The following RC3H2 variants were observed in gnomAD, a reference collection of about 807,000 sequenced individuals.
RC3H2 encodes the protein roquin-2.
Under a neutral mutation model 133.3 loss-of-function variants are expected in RC3H2, and 31 were observed. That is an observed-to-expected ratio of 0.23 (90% confidence interval 0.17 to 0.31). The LOEUF is 0.31. Ranked by LOEUF, RC3H2 falls within the 10% of genes least tolerant of loss-of-function variation. The pLI, the probability that RC3H2 is intolerant of heterozygous loss-of-function variation, is 1.00. For synonymous variants in RC3H2, 517 were observed against 502.2 expected, an observed-to-expected ratio of 1.03 and a Z score of -0.40; for missense variants, 1,175 against 1,437.2, an observed-to-expected ratio of 0.82 and a Z score of 2.95.
At chr9:122,890,275 T>A in intron 4 of RC3H2, 37 bp downstream of exon 4, 1 of 1,553,128 alleles carries the variant, frequency 6.4e-7, no homozygotes. Flanking sequence ...CAAGCCCCAA[T>A]AGCTAATAAA....
At chr9:122,877,856 AAAAG>A (rs1831408072) in intron 8 of RC3H2, among the ~76,000 whole-genome samples, 1 of 152,234 alleles carries the variant, frequency 6.6e-6, no homozygotes, top group African/African-American at 2.4e-5. Flanking sequence ...AATGCCCAGA[AAAAG>A]AAAATATTTT....
intron 3 of RC3H2, among the ~76,000 whole-genome samples, chr9:122,892,647 G>A (rs1016644256): frequency 3.3e-5 from 5 of 152,178 alleles, no homozygotes; most frequent in Non-Finnish European, 5.9e-5. Context: ...TTCTGATCTT[G>A]TGATCCGCCC....
chr9:122,858,662 C>A lies in RC3H2; in HGVS notation c.2283+7G>T. On this transcript the variant is annotated splice_region_variant and intron_variant, in intron 12 of 20. Transcript: ENST00000357244. ...AATGACTACATTATAGTAGCATCTT[C>A]ACTTACCCTTGGTAAAGGCACAGTT... 1 of 1,602,448 alleles carries A rather than the reference C, an allele frequency of 6.2e-7. No homozygotes were observed. The highest frequency in any genetic ancestry group is 1.1e-5 in the South Asian group (1 of 90,782).
At position 122,848,315 on chromosome 9, in the gene RC3H2, T is replaced by C. The variant is rs1829910614; in HGVS notation, c.*1312A>G. 6.6e-6 allele frequency: 1 copy of C among 152,126 alleles called. No homozygotes were observed. Among genetic ancestry groups the C allele is most frequent in the African/African-American group, 2.4e-5 (1 of 41,442 alleles). 9.4% of individuals were successfully genotyped at this position (152,126 alleles called of 1,614,324 possible). A position where few individuals can be genotyped will look rare whatever the true frequency, so the allele number is the denominator to read the frequency against. On this transcript the variant is annotated 3_prime_UTR_variant, in exon 21 of 21. Coordinates refer to ENST00000357244, the MANE Select transcript of RC3H2 (RefSeq NM_001100588.3). ...GAAAAACAGATAGATAAACTATAGG[T>C]AAAGATCACCAGGAAGGAATGCCCA...
At chr9:122,855,090 GC>G in intron 15 of RC3H2, 93 bp downstream of exon 15, 1 of 993,216 alleles carries the variant, frequency 1.0e-6, no homozygotes, top group Non-Finnish European at 1.5e-6. Flanking sequence ...TCCAGTCTGG[GC>G]AACAGAGTGA....
At chr9:122,879,566 T>G (rs547440058) in intron 8 of RC3H2, among the ~76,000 whole-genome samples, 189 bp downstream of exon 8, 2 of 152,192 alleles carry the variant, frequency 1.3e-5, no homozygotes, top group Non-Finnish European at 2.9e-5. Context: ...CAAGATACCC[T>G]CTAAACTCTT....
intron 13 of RC3H2, among the ~76,000 whole-genome samples, chr9:122,856,177 GA>G (rs1157234080): frequency 2.0e-5 from 3 of 146,706 alleles, no homozygotes; most frequent in Non-Finnish European, 1.5e-5. Flanking sequence ...GGTGCACCAA[GA>G]AAAAAAAAAG....
intron 9 of RC3H2, among the ~76,000 whole-genome samples, chr9:122,868,551 G>T (rs368137870): frequency 6.6e-6 from 1 of 151,616 alleles, no homozygotes; most frequent in Non-Finnish European, 1.5e-5. Flanking sequence ...CAGCATGCTC[G>T]TTAAGAGTCA....
At chr9:122,875,471 T>C in intron 9 of RC3H2, 1 of 1,392,058 alleles carries the variant, frequency 7.2e-7, no homozygotes, top group Non-Finnish European at 9.4e-7. Context: ...TTATGCATTG[T>C]CTGTGGCTGT....
At chr9:122,889,598 T>C (rs895747504) in intron 4 of RC3H2, among the ~76,000 whole-genome samples, 3 of 152,144 alleles carry the variant, frequency 2.0e-5, no homozygotes, top group Non-Finnish European at 2.9e-5. Flanking sequence ...AGACAGAACA[T>C]AGATAACACT....
At position 122,845,562 on chromosome 9, in the gene RC3H2, A is replaced by T. The variant is rs925220968; in HGVS notation, c.*4065T>A. Reference sequence around the variant, plus strand: ...TTATTAAAAAAAAGAAAAAACTGCCAATTTTAGACTAGAAGGGAATAACTG... The same window carrying T: ...TTATTAAAAAAAAGAAAAAACTGCCTATTTTAGACTAGAAGGGAATAACTG... On this transcript the variant is annotated 3_prime_UTR_variant, in exon 21 of 21. Coordinates refer to ENST00000357244, the MANE Select transcript of RC3H2 (RefSeq NM_001100588.3). 6.6e-6 allele frequency: 1 copy of T among 152,150 alleles called. No individual in the cohort carries two copies. Among genetic ancestry groups the T allele is most frequent in the South Asian group, 2.1e-4 (1 of 4,824 alleles). 9.4% of individuals were successfully genotyped at this position (152,150 alleles called of 1,614,324 possible).
chr9:122,877,561 T>C lies in RC3H2; in HGVS notation c.1235A>G (p.Lys412Arg). The C allele has an allele frequency of 1.9e-6, 3 of 1,614,136 alleles. No individual in the cohort carries two copies. Among genetic ancestry groups the C allele is most frequent in the Non-Finnish European group, 2.5e-6 (3 of 1,179,976 alleles). ...TCGCAAATCTCGGCACATGCTAGTC[T>C]TGTATTTGCTGTTTGGCTGAGGCTA... ...TPQPQPNSKY[K>R]TSMCRDLRQQ... is the part of the protein sequence containing the mutation. The change falls in exon 9 of 21, where the codon AAG becomes AGG. Residue 412 changes from lysine to arginine, a missense_variant. By Grantham distance (26) the Lys-to-Arg change is conservative (BLOSUM62 2). Transcript: ENST00000357244.
In RC3H2 at chr9:122,849,470, A is replaced by C. The variant is rs991581574; in HGVS notation, c.*157T>G. The C allele has an allele frequency of 1.8e-5, 4 of 225,510 alleles. No individual in the cohort carries two copies. The highest frequency in any genetic ancestry group is 4.6e-5 in the African/African-American group (2 of 43,254). 14.0% of individuals were successfully genotyped at this position (225,510 alleles called of 1,614,324 possible). A position where few individuals can be genotyped will look rare whatever the true frequency, so the allele number is the denominator to read the frequency against. ...TTTTTTTTCATAATGCTAATGCAAGAGGGCTTGAAGTATCAAAGAGTCCAC... is the reference window on the plus strand; with the variant it reads ...TTTTTTTTCATAATGCTAATGCAAGCGGGCTTGAAGTATCAAAGAGTCCAC... On this transcript the variant is annotated 3_prime_UTR_variant, in exon 21 of 21. Transcript: ENST00000357244.
chr9:122,883,129 G>C (rs533511107), intron 5 of RC3H2, 75 bp downstream of exon 5: 2 of 1,407,816 alleles, frequency 1.4e-6, no homozygotes, highest in African/African-American at 2.9e-5. Flanking sequence ...AGGGCCTCTA[G>C]ACTGGGTAAC....
chr9:122,871,487 C>T (rs1304977124), intron 9 of RC3H2, among the ~76,000 whole-genome samples: 2 of 143,214 alleles, frequency 1.4e-5, no homozygotes, highest in African/African-American at 2.8e-5. Flanking sequence ...TTAGTAGAGA[C>T]GGGGTTTCAC....
chr9:122,861,624 A>C (rs545365067), intron 10 of RC3H2, among the ~76,000 whole-genome samples: 57 of 152,298 alleles, frequency 3.7e-4, no homozygotes, highest in Non-Finnish European at 6.8e-4. Flanking sequence ...AAAGCTTTAG[A>C]TATGTGATGA....
chr9:122,875,262 T>C (rs764196585), intron 9 of RC3H2: 12 of 1,550,666 alleles, frequency 7.7e-6, no homozygotes, highest in South Asian at 1.2e-5. Flanking sequence ...ACACTTATCT[T>C]CTCTCTATCA....
chr9:122,874,883 A>G, intron 9 of RC3H2: 1 of 275,710 alleles, frequency 3.6e-6, no homozygotes, highest in African/African-American at 2.2e-5. Context: ...GTTCTGAACT[A>G]GGTACTGCAG....
intron 1 of RC3H2, among the ~76,000 whole-genome samples, chr9:122,901,924 A>G (rs1588119778): frequency 1.5e-5 from 2 of 133,062 alleles, no homozygotes; most frequent in African/African-American, 5.6e-5. Context: ...TGAGATAACT[A>G]CTTCTTTTTT....
Sources: allele counts gnomAD v4.1 joint callset (sites outside exome capture counted in the v4.1 genomes callset), GRCh38; gene constraint gnomAD v4.1.1; transcripts MANE v1.5; gene names NCBI Gene and HGNC (gene_info 2026-07-23, HGNC 2026-07-21).